Variants in HMGA2 observed in about 807,000 individuals in gnomAD.
HMGA2 encodes high mobility group AT-hook 2.
HMGA2 carries 8 observed loss-of-function variants against 19.1 expected under a neutral mutation model. The observed-to-expected ratio is 0.42, with a 90% CI of 0.25 to 0.76. HMGA2 has a LOEUF of 0.76. HMGA2 is among the 30% of genes least tolerant of loss of function. HMGA2 has a pLI of 0.28. For missense variants in HMGA2, 109 were observed against 136.3 expected, an observed-to-expected ratio of 0.80 and a Z score of 1.00; for synonymous variants, 60 against 48.8, an observed-to-expected ratio of 1.23 and a Z score of -0.96.
At chr12:65,951,339 T>G (rs1370853023) in intron 3 of HMGA2, 44 bp from the exon 4 acceptor site, 6 of 1,242,556 alleles carry the variant, frequency 4.8e-6, no homozygotes, top group Non-Finnish European at 6.8e-6. Flanking sequence ...TTTTCTATAA[T>G]GTATATTTTC....
intron 3 of HMGA2, among the ~76,000 whole-genome samples, chr12:65,945,224 T>G (rs529448931): frequency 6.7e-6 from 1 of 149,986 alleles, no homozygotes; most frequent in African/African-American, 2.5e-5. Context: ...GTGGGGGAGG[T>G]TCTTATGCTT....
At chr12:65,842,835 T>G in intron 3 of HMGA2, 1 of 1,338,240 alleles carries the variant, frequency 7.5e-7, no homozygotes, top group Non-Finnish European at 9.6e-7. Context: ...ATACCTAGTT[T>G]AGTGATGGAA....
At chr12:65,935,464 G>A (rs185889629) in intron 3 of HMGA2, among the ~76,000 whole-genome samples, 136 of 151,762 alleles carry the variant, frequency 9.0e-4, no homozygotes, top group East Asian at 3.3e-3. Context: ...ATACATGCTC[G>A]TTATAGCCTA....
intron 3 of HMGA2, among the ~76,000 whole-genome samples, chr12:65,897,882 T>C (rs1874195342): frequency 6.6e-6 from 1 of 151,480 alleles, no homozygotes; most frequent in Admixed American, 6.6e-5. Flanking sequence ...AGAAATCACT[T>C]GAACCCGGGA....
At chr12:65,881,756 A>G in intron 3 of HMGA2, 1 of 703,084 alleles carries the variant, frequency 1.4e-6, no homozygotes. Context: ...TTGCTAATGA[A>G]GAGCCCGTGC....
intron 3 of HMGA2, among the ~76,000 whole-genome samples, chr12:65,937,575 A>G (rs1592457369): frequency 6.6e-6 from 1 of 152,220 alleles, no homozygotes; most frequent in Non-Finnish European, 1.5e-5. Context: ...GCTGGTCTTT[A>G]GGCAGTATGG....
intron 3 of HMGA2, among the ~76,000 whole-genome samples, chr12:65,942,962 C>T (rs1376597157): frequency 6.6e-6 from 1 of 152,094 alleles, no homozygotes; most frequent in African/African-American, 2.4e-5. Context: ...CTTATCTCTA[C>T]TTTTTCATTT....
chr12:65,876,347 A>G (rs1435416234), intron 3 of HMGA2, among the ~76,000 whole-genome samples: 3 of 152,236 alleles, frequency 2.0e-5, no homozygotes, highest in Non-Finnish European at 4.4e-5. Context: ...AATTTACACC[A>G]TATACTCACT....
chr12:65,905,503 A>C (rs1302939504), intron 3 of HMGA2, among the ~76,000 whole-genome samples: 2 of 152,210 alleles, frequency 1.3e-5, no homozygotes, highest in African/African-American at 4.8e-5. Context: ...AGGTTGAGGA[A>C]TAGAAAGAAA....
intron 3 of HMGA2, among the ~76,000 whole-genome samples, chr12:65,905,428 A>T (rs987972700): frequency 1.3e-5 from 2 of 152,212 alleles, no homozygotes; most frequent in Non-Finnish European, 2.9e-5. Context: ...TCCAGAAGAA[A>T]AAGAAAATGG....
chr12:65,881,897 C>G (rs757514066), intron 3 of HMGA2: 1 of 702,358 alleles, frequency 1.4e-6, no homozygotes, highest in Non-Finnish European at 2.6e-6. Flanking sequence ...CCCGGTAGGT[C>G]CCGGAGTATG....
At chr12:65,864,577 G>C (rs1056154625) in intron 3 of HMGA2, among the ~76,000 whole-genome samples, 12 of 152,042 alleles carry the variant, frequency 7.9e-5, no homozygotes, top group Admixed American at 6.6e-4. Flanking sequence ...CACAATTTTT[G>C]TAATACAGGG....
intron 3 of HMGA2, among the ~76,000 whole-genome samples, chr12:65,906,964 A>G (rs999271908): frequency 1.1e-4 from 17 of 152,166 alleles, no homozygotes; most frequent in African/African-American, 4.1e-4. Flanking sequence ...GACCCTGTGG[A>G]AATGGGTTTC....
In HMGA2 at chr12:65,964,749, A is replaced by C. The variant is rs891809363; in HGVS notation, c.*1457A>C. On this transcript the variant is annotated 3_prime_UTR_variant, in exon 5 of 5. Transcript: ENST00000403681. Reference sequence around the variant, plus strand: ...ATTTTTCTATGTTTTTTTAATTAAAAATTTTTAAAATACTTGTTTCAGCTT... The same window carrying C: ...ATTTTTCTATGTTTTTTTAATTAAACATTTTTAAAATACTTGTTTCAGCTT... 8.2e-5 allele frequency: 16 copies of C among 196,058 alleles called. No homozygotes were observed. Among genetic ancestry groups the C allele is most frequent in the Non-Finnish European group, 1.6e-4 (15 of 94,310 alleles). 12.1% of individuals were successfully genotyped at this position (196,058 alleles called of 1,614,324 possible).
intron 3 of HMGA2, among the ~76,000 whole-genome samples, chr12:65,910,327 T>C (rs563463983): frequency 6.6e-6 from 1 of 152,230 alleles, no homozygotes; most frequent in Non-Finnish European, 1.5e-5. Context: ...CAGGTCTTTT[T>C]CTTTTTTGTT....
intron 3 of HMGA2, among the ~76,000 whole-genome samples, chr12:65,864,353 AT>A (rs1872271731): frequency 6.6e-6 from 1 of 152,186 alleles, no homozygotes; most frequent in South Asian, 2.1e-4. Flanking sequence ...CAAGATGATA[AT>A]TTTTTGGCCC....
Position 65,923,939 on chromosome 12 carries a change from G to A in HMGA2, c.250-27444G>A, listed in dbSNP as rs534941404. Among the ~76,000 whole-genome samples, 20 of 152,292 alleles carry A rather than the reference G, an allele frequency of 1.3e-4. 1 individual carries two copies. In the South Asian group the frequency reaches 4.1e-3, roughly 32 times the overall value. On this transcript the variant is annotated intron_variant, in intron 3 of 4. Transcript: ENST00000403681. ...TAAGAGAATCGCTTGCACCTGGCGG[G>A]GCGGAGGTTGCAGTGAGCCAAGAGC...
chr12:65,936,096 G>C (rs529461165), intron 3 of HMGA2, among the ~76,000 whole-genome samples: 2 of 152,150 alleles, frequency 1.3e-5, no homozygotes, highest in South Asian at 4.2e-4. Flanking sequence ...GTCAGATGTA[G>C]TTTGCAAGCC....
At chr12:65,930,379 C>T (rs1038051102) in intron 3 of HMGA2, among the ~76,000 whole-genome samples, 13 of 152,162 alleles carry the variant, frequency 8.5e-5, no homozygotes, top group Non-Finnish European at 1.5e-4. Flanking sequence ...GCCCAGGGCC[C>T]GTACCTGCCC....
Sources: gnomAD v4.1 joint callset for allele counts (sites outside exome capture counted in the v4.1 genomes callset) on GRCh38, gnomAD v4.1.1 for gene constraint, MANE v1.5 for transcripts, NCBI Gene and HGNC (gene_info 2026-07-23, HGNC 2026-07-21) for gene names.